The following ITPR1 variants were observed in gnomAD, a reference collection of about 807,000 sequenced individuals.
ITPR1 encodes inositol 1,4,5-trisphosphate receptor type 1, also known as inositol 1,4,5-trisphosphate-gated calcium channel ITPR1.
In ITPR1, 96 loss-of-function variants were observed where a neutral mutation model predicts 318.4. The ratio of observed to expected loss-of-function variants is 0.30; its 90% CI spans 0.26 to 0.36. The LOEUF (loss-of-function observed/expected upper bound fraction) is 0.36, where lower values mean the gene tolerates loss of function less well. ITPR1 is among the 10% of genes least tolerant of loss of function. The pLI is 1.00. For synonymous variants in ITPR1, 1,312 were observed against 1,289.9 expected (o/e 1.02, Z -0.37); for missense variants, 2,440 against 3,460.2 (o/e 0.71, Z 7.40).
chr3:4,652,782 G>C (rs1015981019), intron 11 of ITPR1, among the ~76,000 whole-genome samples: 5 of 152,138 alleles, frequency 3.3e-5, no homozygotes, highest in Non-Finnish European at 5.9e-5. Context: ...CACTTTGGGA[G>C]GCTGAGGAGT....
chr3:4,626,126 C>T (rs2125126397), intron 4 of ITPR1, among the ~76,000 whole-genome samples: 1 of 151,770 alleles, frequency 6.6e-6, no homozygotes, highest in South Asian at 2.1e-4. Context: ...CCAGCCTGGG[C>T]AACATAGCAA....
intron 8 of ITPR1, among the ~76,000 whole-genome samples, chr3:4,644,772 G>A (rs2093417865): frequency 6.6e-6 from 1 of 152,154 alleles, no homozygotes; most frequent in African/African-American, 2.4e-5. Context: ...ATAGATGTGG[G>A]TTCACATCCT....
At chr3:4,654,714 G>A (rs1162471392) in intron 12 of ITPR1, among the ~76,000 whole-genome samples, 2 of 152,224 alleles carry the variant, frequency 1.3e-5, no homozygotes, top group Non-Finnish European at 2.9e-5. Flanking sequence ...TTTTGAAAAA[G>A]AAATGGAGGG....
At chr3:4,620,025 A>G (rs1297770066) in intron 4 of ITPR1, among the ~76,000 whole-genome samples, 3 of 151,478 alleles carry the variant, frequency 2.0e-5, no homozygotes, top group South Asian at 2.1e-4. Flanking sequence ...GTCTTTGAGG[A>G]TGTTATAGTT....
Position 4,800,487 on chromosome 3 carries a change from G to A in ITPR1, c.6994G>A (p.Val2332Ile), listed in dbSNP as rs780156688. 23 of 1,613,888 alleles carry A rather than the reference G, an allele frequency of 1.4e-5. No homozygotes were observed. Among genetic ancestry groups the A allele is most frequent in the African/African-American group, 2.7e-5 (2 of 74,922 alleles). Residue 2332 changes from valine (V) to isoleucine (I), a missense_variant, in exon 54 of 62, where the codon GTC becomes ATC. By Grantham distance (29) the Val-to-Ile change is conservative. Around this residue, in one of 23 missense-constraint regions of ITPR1, gnomAD observed 126 missense variants for 150.8 expected, o/e 0.84. Coordinates refer to ENST00000649015, the MANE Select transcript of ITPR1 (RefSeq NM_001378452.1). ...AGCCATGCTCATCTCTCTGGCCATC[G>A]TCATTGCCCTCCCCAAGCCCCATGG... is the stretch of plus-strand genomic sequence containing the variant. ...WTAMLISLAI[V>I]IALPKPHGIR...
At chr3:4,794,260 A>C (rs996346820) in intron 52 of ITPR1, among the ~76,000 whole-genome samples, 1 of 152,226 alleles carries the variant, frequency 6.6e-6, no homozygotes, top group Non-Finnish European at 1.5e-5. Flanking sequence ...AAGACTGAGA[A>C]TGCCCGGCCA....
chr3:4,619,513 C>A (rs1157437454), intron 4 of ITPR1, among the ~76,000 whole-genome samples: 2 of 150,194 alleles, frequency 1.3e-5, no homozygotes, highest in Non-Finnish European at 3.0e-5. Context: ...TCCTCTCCTT[C>A]TGCCCCTTCT....
At chr3:4,800,994 A>G (rs1052477468) in intron 54 of ITPR1, among the ~76,000 whole-genome samples, 3 of 152,242 alleles carry the variant, frequency 2.0e-5, no homozygotes, top group African/African-American at 7.2e-5. Context: ...AAAGGGCCAC[A>G]TAGAAAAGAG....
intron 4 of ITPR1, among the ~76,000 whole-genome samples, chr3:4,523,711 A>G (rs1461120909): frequency 6.6e-6 from 1 of 152,184 alleles, no homozygotes; most frequent in African/African-American, 2.4e-5. Flanking sequence ...ACTTAGCATA[A>G]TGTCCTCCGG....
At chr3:4,781,899 C>T (rs760907166) in intron 49 of ITPR1, among the ~76,000 whole-genome samples, 4 of 152,166 alleles carry the variant, frequency 2.6e-5, no homozygotes, top group Non-Finnish European at 4.4e-5. Context: ...AGGAGGATCA[C>T]TTGAGCCTGG....
intron 60 of ITPR1, among the ~76,000 whole-genome samples, chr3:4,828,045 G>A (rs917346757): frequency 2.0e-5 from 3 of 152,100 alleles, no homozygotes; most frequent in East Asian, 1.9e-4. Flanking sequence ...GAGCTTTCCA[G>A]TATAAAAGCC....
intron 4 of ITPR1, among the ~76,000 whole-genome samples, chr3:4,555,956 G>A (rs1007064855): frequency 3.0e-4 from 46 of 152,266 alleles, no homozygotes; most frequent in African/African-American, 9.9e-4. Context: ...AAGCACTTCA[G>A]CTCCAGGGTC....
At chr3:4,788,444 G>T (rs1656259608) in intron 52 of ITPR1, among the ~76,000 whole-genome samples, 1 of 152,172 alleles carries the variant, frequency 6.6e-6, no homozygotes, top group African/African-American at 2.4e-5. Flanking sequence ...AAAAAGAAAA[G>T]GGAAAAGCCC....
At chr3:4,657,194 T>C (rs1453920646) in intron 12 of ITPR1, among the ~76,000 whole-genome samples, 1 of 152,178 alleles carries the variant, frequency 6.6e-6, no homozygotes, top group Non-Finnish European at 1.5e-5. Flanking sequence ...TTTGGCTGCG[T>C]TGGGGTTGCT....
intron 10 of ITPR1, among the ~76,000 whole-genome samples, chr3:4,648,701 T>G (rs1275666895): frequency 6.6e-6 from 1 of 152,094 alleles, no homozygotes; most frequent in Non-Finnish European, 1.5e-5. Flanking sequence ...TCCCAGCTAC[T>G]CGGGAGGCTG....
intron 11 of ITPR1, among the ~76,000 whole-genome samples, chr3:4,653,172 A>G (rs1341713252): frequency 6.6e-6 from 1 of 152,202 alleles, no homozygotes; most frequent in African/African-American, 2.4e-5. Context: ...GTCGTGCATC[A>G]AAAGACCCCC....
chr3:4,789,552 C>T, intron 52 of ITPR1, among the ~76,000 whole-genome samples: 1 of 152,236 alleles, frequency 6.6e-6, no homozygotes, highest in East Asian at 1.9e-4. Context: ...TTGTCCTTCA[C>T]TGGGATATTC....
intron 61 of ITPR1, among the ~76,000 whole-genome samples, chr3:4,840,058 T>TTTTTA (rs2051227332): frequency 1.5e-5 from 2 of 134,148 alleles, no homozygotes; most frequent in African/African-American, 2.8e-5. Context: ...TTTTTTTTTT[T>TTTTTA]GAGGGGGCAG....
In ITPR1 at chr3:4,566,604, G is replaced by GCACACACACACACA. The variant is rs57756103; in HGVS notation, c.163+45536_163+45549dup. Among the ~76,000 whole-genome samples, 674 of 140,970 alleles carry GCACACACACACACA rather than the reference G, an allele frequency of 4.8e-3. 7 individuals carry two copies. The highest frequency in any genetic ancestry group is 0.014 in the Middle Eastern group (4 of 278). 92.5% of individuals were successfully genotyped at this position (140,970 alleles called of 152,430 possible). A position where few individuals can be genotyped will look rare whatever the true frequency, so the allele number is the denominator to read the frequency against. On this transcript the variant is annotated intron_variant, in intron 4 of 61. Transcript: ENST00000649015. The stretch of plus-strand genomic sequence containing the variant: ...CCAGGAAGCCTGAATGGGGACACAT[G>GCACACACACACACA]CACACACACACACACACACACACAC...
Sources: allele counts gnomAD v4.1 joint callset (sites outside exome capture counted in the v4.1 genomes callset), GRCh38; gene constraint gnomAD v4.1.1; regional missense constraint gnomAD v4.1.1; transcripts MANE v1.5; gene names NCBI Gene and HGNC (gene_info 2026-07-23, HGNC 2026-07-21).